The following IRAG1 variants were observed in gnomAD, a reference collection of about 807,000 sequenced individuals.
The protein encoded by IRAG1 is IP3R-associated cGMP kinase substrate.
IRAG1 carries 62 observed loss-of-function variants against 106.2 expected under a neutral mutation model. The observed-to-expected ratio is 0.58, with a 90% CI of 0.48 to 0.72. The LOEUF (loss-of-function observed/expected upper bound fraction) is 0.72, where lower values mean the gene tolerates loss of function less well. IRAG1 is among the 30% of genes least tolerant of loss of function. The probability of loss-of-function intolerance (pLI) is 0.00; values close to 1 mark genes in which losing one functional copy is unlikely to be tolerated. For synonymous variants in IRAG1, 462 were observed against 443.9 expected, an observed-to-expected ratio of 1.04 and a Z score of -0.51; for missense variants, 1,064 against 1,140.7, an observed-to-expected ratio of 0.93 and a Z score of 0.97.
In IRAG1 at chr11:10,604,464, G is replaced by A. The variant is rs767130215; in HGVS notation, c.1684C>T (p.Arg562Cys). The change falls in exon 13 of 21, where the codon CGC (arginine) becomes TGC (cysteine). Residue 562 changes from arginine to cysteine, a missense_variant. Transcript: ENST00000423302. ...ESRINQAERERNLTEENTEKE... is the reference protein window; with the variant it reads ...ESRINQAERECNLTEENTEKE... ...TCAGTGTTCTCCTCTGTCAGGTTGC[G>A]TTCCCTTTCAGCCTGGTTAATTCTA... is the stretch of plus-strand genomic sequence containing the variant. 31 of 1,613,938 alleles carry A rather than the reference G, an allele frequency of 1.9e-5. No individual in the cohort carries two copies. The East Asian group carries it at 3.8e-4, about 20-fold the overall frequency.
At chr11:10,644,428 C>G (rs557953961) in intron 2 of IRAG1, among the ~76,000 whole-genome samples, 18 of 152,204 alleles carry the variant, frequency 1.2e-4, no homozygotes, top group African/African-American at 4.3e-4. Flanking sequence ...GCTGTTCTTG[C>G]AAAGGATGTG....
intron 2 of IRAG1, among the ~76,000 whole-genome samples, chr11:10,648,893 C>A (rs12280765): frequency 6.6e-6 from 1 of 152,100 alleles, no homozygotes. Flanking sequence ...GAGAAGGCCT[C>A]GGCTAGTGCT....
intron 18 of IRAG1, among the ~76,000 whole-genome samples, chr11:10,586,562 C>T (rs181858590): frequency 2.6e-5 from 4 of 152,170 alleles, no homozygotes; most frequent in Non-Finnish European, 5.9e-5. Flanking sequence ...AGATTACAGG[C>T]GTGCACCATC....
rs1028300586 is a variant in IRAG1, at chr11:10,659,571, C to T, written c.68-7389G>A. Reference sequence around the variant, plus strand: ...CCCGATTTTCTCCAGCCCTGCTCTCCGCTCCTGTGGAGCTCGTATAGGCTT... The same window carrying T: ...CCCGATTTTCTCCAGCCCTGCTCTCTGCTCCTGTGGAGCTCGTATAGGCTT... On this transcript the variant is annotated intron_variant, in intron 1 of 20. Transcript: ENST00000423302. The surrounding 1 kb of genome is among the most constrained non-coding windows in gnomAD (Gnocchi z 4.1). Among the ~76,000 whole-genome samples the T allele has an allele frequency of 2.6e-5, 4 of 152,138 alleles. No individual in the cohort carries two copies. The highest frequency in any genetic ancestry group is 5.9e-5 in the Non-Finnish European group (4 of 68,020).
chr11:10,603,391 T>C, intron 13 of IRAG1, 140 bp from the exon 14 acceptor site: 2 of 902,862 alleles, frequency 2.2e-6, no homozygotes, highest in Non-Finnish European at 3.3e-6. Context: ...GGTTTGGGGA[T>C]GAAACTCTTC....
chr11:10,604,480 G>A lies in IRAG1; in HGVS notation c.1668C>T (p.Asn556=). The change falls in exon 13 of 21, where the codon AAC becomes AAT. Residue 556 remains asparagine (N), a synonymous_variant. Transcript: ENST00000423302. ...NDSYTLESRI[N]QAERERNLTE... ...TCAGGTTGCGTTCCCTTTCAGCCTG[G>A]TTAATTCTAGATTCCAGAGTGTAGC... is the stretch of plus-strand genomic sequence containing the variant. 6.2e-7 allele frequency: 1 copy of A among 1,614,004 alleles called. No individual in the cohort carries two copies.
intron 2 of IRAG1, among the ~76,000 whole-genome samples, chr11:10,637,267 G>A (rs1591650721): frequency 6.6e-6 from 1 of 152,196 alleles, no homozygotes; most frequent in Admixed American, 6.5e-5. Context: ...AGCTGGCCAA[G>A]AGGGAGTGAC....
At chr11:10,598,164 C>T (rs1421314481) in intron 15 of IRAG1, among the ~76,000 whole-genome samples, 1 of 152,204 alleles carries the variant, frequency 6.6e-6, no homozygotes, top group Non-Finnish European at 1.5e-5. Context: ...ATAGGTGTTC[C>T]AGGCCTTGTC....
chr11:10,619,885 T>A (rs913582466), intron 10 of IRAG1, among the ~76,000 whole-genome samples: 5 of 152,206 alleles, frequency 3.3e-5, no homozygotes, highest in African/African-American at 1.2e-4. Flanking sequence ...CTGACCATGG[T>A]TAATTTTATT....
chr11:10,688,187 G>A (rs1159139698), intron 1 of IRAG1, among the ~76,000 whole-genome samples: 5 of 152,054 alleles, frequency 3.3e-5, no homozygotes, highest in Non-Finnish European at 7.4e-5. Flanking sequence ...AAACTGAAGC[G>A]CCAACAGATT....
At chr11:10,684,494 T>C (rs1048523396) in intron 1 of IRAG1, among the ~76,000 whole-genome samples, 1 of 151,694 alleles carries the variant, frequency 6.6e-6, no homozygotes, top group South Asian at 2.1e-4. Flanking sequence ...CATTAGGAGA[T>C]ATACCTAATG....
chr11:10,680,404 G>GGAAGAAAGGAAA (rs71034778), intron 1 of IRAG1, among the ~76,000 whole-genome samples: 1 of 82,090 alleles, frequency 1.2e-5, no homozygotes, highest in Non-Finnish European at 2.2e-5. Context: ...AAGGAAGGAA[G>GGAAGAAAGGAAA]GAAAGAAAGG....
intron 1 of IRAG1, among the ~76,000 whole-genome samples, chr11:10,667,002 C>T (rs1379085456): frequency 6.6e-6 from 1 of 152,208 alleles, no homozygotes; most frequent in Non-Finnish European, 1.5e-5. Context: ...TCGGCTCAGA[C>T]ACCCCTCTTT....
intron 1 of IRAG1, among the ~76,000 whole-genome samples, chr11:10,685,930 T>C (rs1487255209): frequency 6.6e-6 from 1 of 152,122 alleles, no homozygotes; most frequent in African/African-American, 2.4e-5. Flanking sequence ...TGACAACACC[T>C]AGCCTTATCA....
intron 1 of IRAG1, among the ~76,000 whole-genome samples, chr11:10,656,883 C>T (rs190889065): frequency 3.8e-4 from 58 of 152,078 alleles, no homozygotes; most frequent in South Asian, 6.2e-4. Context: ...GCCCTGCCTC[C>T]CAGGGGAGGG....
chr11:10,642,603 G>A (rs958258415), intron 2 of IRAG1, among the ~76,000 whole-genome samples: 4 of 152,176 alleles, frequency 2.6e-5, no homozygotes, highest in African/African-American at 9.7e-5. Context: ...ATCCCACCTG[G>A]GTGACCTTGG....
At chr11:10,663,383 T>C (rs75429394) in intron 1 of IRAG1, among the ~76,000 whole-genome samples, 3 of 152,082 alleles carry the variant, frequency 2.0e-5, no homozygotes, top group East Asian at 1.9e-4. Context: ...GGAATACATA[T>C]AGGAATATAG....
chr11:10,654,434 G>C (rs555022342), intron 1 of IRAG1, among the ~76,000 whole-genome samples: 1 of 152,348 alleles, frequency 6.6e-6, no homozygotes, highest in African/African-American at 2.4e-5. Flanking sequence ...CAATGAACAA[G>C]TTAGCCCACA....
At chr11:10,632,186 C>CT (rs1856748469) in intron 3 of IRAG1, 125 bp from the exon 4 acceptor site, 2 of 652,148 alleles carry the variant, frequency 3.1e-6, no homozygotes, top group African/African-American at 2.1e-5. Flanking sequence ...TTCCTTCTTT[C>CT]TTTCTTTTTT....
Sources: allele counts gnomAD v4.1 joint callset (sites outside exome capture counted in the v4.1 genomes callset), GRCh38; gene constraint gnomAD v4.1.1; non-coding constraint Gnocchi (gnomAD v3.1); transcripts MANE v1.5; gene names NCBI Gene and HGNC (gene_info 2026-07-23, HGNC 2026-07-21).